Variants in KATNBL1 observed in about 807,000 individuals in gnomAD.
KATNBL1 encodes the protein katanin regulatory subunit B1 like 1, also known as KATNB1-like protein 1.
KATNBL1 carries 28 observed loss-of-function variants against 44.7 expected under a neutral mutation model. The ratio of observed to expected loss-of-function variants is 0.63; its 90% CI spans 0.46 to 0.86. The LOEUF (loss-of-function observed/expected upper bound fraction) is 0.86, where lower values mean the gene tolerates loss of function less well. KATNBL1 is among the 40% of genes least tolerant of loss of function. KATNBL1 has a pLI of 0.00. For missense variants in KATNBL1, 272 were observed against 350.7 expected (o/e 0.78, Z 1.79); for synonymous variants, 78 against 114.9 (o/e 0.68, Z 2.06).
At chr15:34,167,955 G>A (rs1057326631) in intron 1 of KATNBL1, among the ~76,000 whole-genome samples, 5 of 152,124 alleles carry the variant, frequency 3.3e-5, no homozygotes, top group African/African-American at 7.2e-5. Flanking sequence ...ACATGGTTAC[G>A]AACAACCAGT....
rs146234765 is a variant in KATNBL1 at position 34,168,095 on chromosome 15, C to T, written c.-14-4405G>A. Among the ~76,000 whole-genome samples the T allele has an allele frequency of 7.4e-3, 1,130 of 152,258 alleles. 9 individuals carry two copies. Among genetic ancestry groups the T allele is most frequent in the Non-Finnish European group, 9.4e-3 (639 of 68,020 alleles). On this transcript the variant is annotated intron_variant, in intron 1 of 9. Transcript: ENST00000256544. ...TCAAATTCATACATAACAGCATTAA[C>T]CTTAAATGTAAATGGGCTAAATGCC...
At chr15:34,165,167 G>A (rs940372447) in intron 1 of KATNBL1, among the ~76,000 whole-genome samples, 7 of 152,192 alleles carry the variant, frequency 4.6e-5, no homozygotes, top group African/African-American at 1.7e-4. Context: ...ACTAGCATGT[G>A]CAGAACTGAA....
chr15:34,193,492 C>A (rs573577813), intron 1 of KATNBL1, among the ~76,000 whole-genome samples: 2 of 152,214 alleles, frequency 1.3e-5, no homozygotes, highest in Admixed American at 1.3e-4. Flanking sequence ...AGAGATGGCG[C>A]CACTGCACTC....
intron 1 of KATNBL1, among the ~76,000 whole-genome samples, chr15:34,172,027 C>A (rs1889177325): frequency 6.6e-6 from 1 of 151,982 alleles, no homozygotes; most frequent in South Asian, 2.1e-4. Context: ...CACATGTATA[C>A]CTATGTAACA....
intron 1 of KATNBL1, among the ~76,000 whole-genome samples, chr15:34,178,960 G>C (rs1332356929): frequency 1.3e-5 from 2 of 152,046 alleles, no homozygotes; most frequent in African/African-American, 4.8e-5. Flanking sequence ...ATGCAATACA[G>C]ATCAGGTTAA....
chr15:34,193,229 A>AAAAC (rs1889933978), intron 1 of KATNBL1, among the ~76,000 whole-genome samples: 18 of 127,910 alleles, frequency 1.4e-4, no homozygotes, highest in African/African-American at 4.9e-4. Flanking sequence ...AAAAAAAAAA[A>AAAAC]AAAAAACAAA....
chr15:34,193,683 C>A (rs35736624), intron 1 of KATNBL1, among the ~76,000 whole-genome samples: 1 of 151,528 alleles, frequency 6.6e-6, no homozygotes, highest in Admixed American at 6.6e-5. Context: ...GAAACCCTGT[C>A]TCTACAAAAC....
intron 2 of KATNBL1, among the ~76,000 whole-genome samples, chr15:34,156,524 C>T (rs1210588935): frequency 6.6e-6 from 1 of 152,184 alleles, no homozygotes; most frequent in African/African-American, 2.4e-5. Context: ...TTTGATATCC[C>T]GTCTCAATTG....
At chr15:34,189,438 G>A (rs942617531) in intron 1 of KATNBL1, among the ~76,000 whole-genome samples, 1 of 152,194 alleles carries the variant, frequency 6.6e-6, no homozygotes, top group African/African-American at 2.4e-5. Flanking sequence ...AGTCTAATAA[G>A]TCTCTCTTGG....
intron 2 of KATNBL1, 142 bp downstream of exon 2, chr15:34,163,418 G>T (rs992648501): frequency 2.1e-6 from 2 of 944,712 alleles, no homozygotes; most frequent in African/African-American, 1.7e-5. Context: ...AAATACATTG[G>T]TTATATTTCA....
At chr15:34,185,717 G>C (rs895626094) in intron 1 of KATNBL1, among the ~76,000 whole-genome samples, 1 of 152,096 alleles carries the variant, frequency 6.6e-6, no homozygotes, top group Non-Finnish European at 1.5e-5. Context: ...ATGGAAGATC[G>C]GCCTCAAATC....
chr15:34,145,641 G>A (rs1888284920), intron 8 of KATNBL1, 150 bp from the exon 9 acceptor site: 16 of 685,888 alleles, frequency 2.3e-5, no homozygotes, highest in Admixed American at 1.5e-4. Context: ...ATTTGGGAAC[G>A]TGGAGAGAAA....
intron 1 of KATNBL1, among the ~76,000 whole-genome samples, chr15:34,180,933 C>G (rs1046058944): frequency 2.6e-5 from 4 of 151,976 alleles, no homozygotes; most frequent in African/African-American, 4.8e-5. Flanking sequence ...AACAAAAAAC[C>G]TTCCTTCAAA....
At chr15:34,176,301 C>T (rs1258249593) in intron 1 of KATNBL1, among the ~76,000 whole-genome samples, 1 of 151,766 alleles carries the variant, frequency 6.6e-6, no homozygotes, top group Admixed American at 6.6e-5. Flanking sequence ...TTACTTGAAC[C>T]CGGGAGGCGG....
intron 1 of KATNBL1, chr15:34,209,160 T>A (rs2140571808): frequency 6.6e-6 from 1 of 152,366 alleles, no homozygotes; most frequent in Admixed American, 6.5e-5. Context: ...AGTCTGAAGC[T>A]GGCTATCCAA....
intron 1 of KATNBL1, among the ~76,000 whole-genome samples, chr15:34,200,758 CAA>C: frequency 6.6e-6 from 1 of 152,294 alleles, no homozygotes; most frequent in Non-Finnish European, 1.5e-5. Context: ...ATAAAAATTA[CAA>C]AAGAGATGCC....
intron 1 of KATNBL1, among the ~76,000 whole-genome samples, chr15:34,185,762 T>C (rs79745542): frequency 0.18 from 26,823 of 151,994 alleles, 2,628 homozygotes; most frequent in Middle Eastern, 0.31. Context: ...GGGGTTTATA[T>C]AGCAGGGAAG....
chr15:34,165,760 C>T (rs369736264), intron 1 of KATNBL1, among the ~76,000 whole-genome samples: 58 of 152,222 alleles, frequency 3.8e-4, no homozygotes, highest in African/African-American at 1.3e-3. Context: ...TGCCACTGCA[C>T]TCCAGCCTGG....
intron 1 of KATNBL1, among the ~76,000 whole-genome samples, chr15:34,201,050 C>T (rs961090298): frequency 6.6e-5 from 10 of 152,012 alleles, no homozygotes; most frequent in Non-Finnish European, 7.4e-5. Flanking sequence ...CTCCTGACCT[C>T]GTGATCTGCC....
Sources: gnomAD v4.1 joint callset for allele counts (sites outside exome capture counted in the v4.1 genomes callset) on GRCh38, gnomAD v4.1.1 for gene constraint, MANE v1.5 for transcripts, NCBI Gene and HGNC (gene_info 2026-07-23, HGNC 2026-07-21) for gene names.